The following NAV3 variants were observed in gnomAD, a reference collection of about 807,000 sequenced individuals.
NAV3 encodes the protein neuron navigator 3.
A neutral mutation model predicts 244.7 loss-of-function variants in NAV3; 87 were observed. The observed-to-expected ratio is 0.36, with a 90% confidence interval of 0.30 to 0.42. The LOEUF is 0.42. Ranked by LOEUF, NAV3 falls within the 20% of genes least tolerant of loss-of-function variation. The probability of loss-of-function intolerance (pLI) is 1.00; values close to 1 mark genes in which losing one functional copy is unlikely to be tolerated. For missense variants in NAV3, 2,663 were observed against 2,893.3 expected (o/e 0.92, Z 1.83); for synonymous variants, 1,126 against 1,042.2 (o/e 1.08, Z -1.55).
chr12:78,119,124 A>T, intron 14 of NAV3, 113 bp from the exon 15 acceptor site: 1 of 1,125,874 alleles, frequency 8.9e-7, no homozygotes, highest in South Asian at 1.6e-5. Context: ...AAGACAATAC[A>T]TTTAGGAAGG....
At chr12:78,128,627 C>A in intron 17 of NAV3, 79 bp from the exon 18 acceptor site, 1 of 1,397,200 alleles carries the variant, frequency 7.2e-7, no homozygotes, top group Non-Finnish European at 9.8e-7. Flanking sequence ...ATAGTAACCT[C>A]CTCTGAATTG....
intron 12 of NAV3, among the ~76,000 whole-genome samples, chr12:78,062,682 C>T (rs917547635): frequency 1.3e-5 from 2 of 152,026 alleles, no homozygotes; most frequent in African/African-American, 4.8e-5. Context: ...AATATAATAG[C>T]AGAAACTCAG....
intron 2 of NAV3, among the ~76,000 whole-genome samples, chr12:77,735,672 C>A (rs528983384): frequency 4.6e-5 from 7 of 152,018 alleles, no homozygotes; most frequent in Non-Finnish European, 7.4e-5. Flanking sequence ...TTTGGAAAGA[C>A]ATATTGTAAA....
At chr12:77,574,126 T>C (rs539997278) in intron 2 of NAV3, among the ~76,000 whole-genome samples, 1 of 152,240 alleles carries the variant, frequency 6.6e-6, no homozygotes, top group Admixed American at 6.5e-5. Context: ...CATCTCACTA[T>C]AGCCTCGCCT....
At chr12:77,763,435 C>CTG (rs757238056) in intron 2 of NAV3, among the ~76,000 whole-genome samples, 5 of 152,098 alleles carry the variant, frequency 3.3e-5, no homozygotes, top group Non-Finnish European at 5.9e-5. Flanking sequence ...AGAATGCCTG[C>CTG]TGCAACCCTT....
chr12:77,927,363 A>T (rs1888323244), intron 1 of NAV3, among the ~76,000 whole-genome samples: 1 of 152,232 alleles, frequency 6.6e-6, no homozygotes, highest in Non-Finnish European at 1.5e-5. Context: ...GCTGGAGTTA[A>T]GAAAGGCTCA....
intron 2 of NAV3, among the ~76,000 whole-genome samples, chr12:77,797,697 C>T (rs1592691831): frequency 6.6e-6 from 1 of 150,610 alleles, no homozygotes; most frequent in African/African-American, 2.4e-5. Context: ...AACAATTAGC[C>T]AGGGGTGGTG....
intron 2 of NAV3, among the ~76,000 whole-genome samples, chr12:77,713,825 C>G (rs1196466772): frequency 2.6e-5 from 4 of 152,110 alleles, no homozygotes; most frequent in African/African-American, 7.2e-5. Flanking sequence ...TACCGCTACA[C>G]TTACCAGTTT....
At chr12:77,860,304 T>C (rs1304121818) in intron 1 of NAV3, among the ~76,000 whole-genome samples, 1 of 150,252 alleles carries the variant, frequency 6.7e-6, no homozygotes, top group Non-Finnish European at 1.5e-5. Flanking sequence ...ATATAATATA[T>C]ACATATATAT....
chr12:77,742,180 C>CT (rs945685195), intron 2 of NAV3, among the ~76,000 whole-genome samples: 2 of 151,686 alleles, frequency 1.3e-5, no homozygotes, highest in African/African-American at 2.4e-5. Flanking sequence ...CTTAGGTTTG[C>CT]TTTTTTTTCT....
At chr12:77,685,509 A>ACACACC (rs1358509450) in intron 2 of NAV3, among the ~76,000 whole-genome samples, 3 of 150,460 alleles carry the variant, frequency 2.0e-5, no homozygotes, top group African/African-American at 7.4e-5. Flanking sequence ...ACACACACAT[A>ACACACC]CCCACACGCA....
At chr12:77,946,120 A>G (rs199926730) in intron 3 of NAV3, among the ~76,000 whole-genome samples, 2 of 135,176 alleles carry the variant, frequency 1.5e-5, no homozygotes, top group Non-Finnish European at 3.2e-5. Flanking sequence ...ATATATATAT[A>G]TTGTGTAAAT....
chr12:77,724,004 G>C (rs1220919889), intron 2 of NAV3, among the ~76,000 whole-genome samples: 1 of 151,544 alleles, frequency 6.6e-6, no homozygotes, highest in African/African-American at 2.4e-5. Flanking sequence ...AATTTTAAAT[G>C]CCAAATAAAT....
chr12:77,586,850 A>G (rs933580673), intron 2 of NAV3, among the ~76,000 whole-genome samples: 2 of 152,176 alleles, frequency 1.3e-5, no homozygotes, highest in Non-Finnish European at 2.9e-5. Flanking sequence ...ATCCGTGCGG[A>G]AAGTTCAATA....
At chr12:77,728,861 A>ACTT (rs71088331) in intron 2 of NAV3, among the ~76,000 whole-genome samples, 144,628 of 151,678 alleles carry the variant, frequency 0.95, 69,009 homozygotes, top group East Asian at 1. Context: ...TACCCGCTTC[A>ACTT]CTTCTGCCTC....
chr12:77,766,823 G>A lies in NAV3; in HGVS notation c.73-173496G>A, dbSNP rs536372839. Among the ~76,000 whole-genome samples the A allele has an allele frequency of 2.4e-3, 318 of 134,750 alleles. 3 individuals are homozygous for A. Among genetic ancestry groups the A allele is most frequent in the Non-Finnish European group, 3.7e-3 (242 of 65,856 alleles). 88.4% of individuals were successfully genotyped at this position (134,750 alleles called of 152,430 possible). On this transcript the variant is annotated intron_variant, in intron 2 of 8. Transcript: ENST00000550042. ...GGCTGGAGTATAGTGGCGTGATCTC[G>A]GCTCACTGAAACCTCCACCTCCTGG...
In NAV3 at chr12:77,634,553, TCTTC is replaced by T. The variant is rs1832225489; in HGVS notation, c.72+62291_72+62294del. ...ATAAAAAATGTTGAAAAAGAGACAT[TCTTC>T]CTTTTGTAGCATCTTGCAAGAACAT... On this transcript the variant is annotated intron_variant, in intron 2 of 8. Transcript: ENST00000550042. Among the ~76,000 whole-genome samples the T allele has an allele frequency of 2.0e-5, 3 of 152,166 alleles. No homozygotes were observed. The South Asian group carries it at 6.2e-4, about 31-fold the overall frequency.
Position 77,672,261 on chromosome 12 carries a change from G to A in NAV3, c.72+99995G>A, listed in dbSNP as rs140238062. 3.3e-5 allele frequency among the ~76,000 whole-genome samples: 5 copies of A among 152,270 alleles called. No homozygotes were observed. In the East Asian group the frequency reaches 9.6e-4, roughly 29 times the overall value. On this transcript the variant is annotated intron_variant, in intron 2 of 8. Coordinates refer to the NAV3 transcript ENST00000550042. ...TAAAAAAATAGATGTTTGCATGGAT[G>A]TGGTGAAAAGAGAACACTTTTACAC...
At chr12:77,574,197 A>C (rs1017689762) in intron 2 of NAV3, among the ~76,000 whole-genome samples, 14 of 152,156 alleles carry the variant, frequency 9.2e-5, no homozygotes, top group African/African-American at 3.4e-4. Context: ...TCAAGAGTGG[A>C]AAATGGAGTT....
Sources: gnomAD v4.1 joint callset for allele counts (sites outside exome capture counted in the v4.1 genomes callset) on GRCh38, gnomAD v4.1.1 for gene constraint, MANE v1.5 for transcripts, NCBI Gene and HGNC (gene_info 2026-07-23, HGNC 2026-07-21) for gene names.